The following NCOA3 variants were observed in gnomAD, a reference collection of about 807,000 sequenced individuals.
NCOA3 encodes the protein nuclear receptor coactivator 3.
A neutral mutation model predicts 158.8 loss-of-function variants in NCOA3; 51 were observed. That is an observed-to-expected ratio of 0.32 (90% CI 0.26 to 0.41). The LOEUF is 0.41. Ranked by LOEUF, NCOA3 falls within the 10% of genes least tolerant of loss-of-function variation. NCOA3 has a pLI of 1.00. For missense variants in NCOA3, 1,510 were observed against 1,746.6 expected, an observed-to-expected ratio of 0.86 and a Z score of 2.41; for synonymous variants, 537 against 592.4, an observed-to-expected ratio of 0.91 and a Z score of 1.36.
chr20:47,536,752 A>C (rs776735168), intron 1 of NCOA3, among the ~76,000 whole-genome samples: 1 of 151,456 alleles, frequency 6.6e-6, no homozygotes, highest in Non-Finnish European at 1.5e-5. Context: ...GGGCCTCCTA[A>C]AATGCTGGGA....
chr20:47,514,705 G>GT (rs1298785191), intron 1 of NCOA3, among the ~76,000 whole-genome samples: 1 of 115,306 alleles, frequency 8.7e-6, no homozygotes, highest in East Asian at 2.6e-4. Flanking sequence ...GTTTTGTTTT[G>GT]TTTTTTGCTT....
intron 2 of NCOA3, among the ~76,000 whole-genome samples, chr20:47,605,745 T>C (rs1241017852): frequency 2.0e-5 from 3 of 152,206 alleles, no homozygotes. Flanking sequence ...TCCACAAATA[T>C]ATTTGTCATG....
rs184656058 is a variant in NCOA3 at position 47,567,725 on chromosome 20, G to A, written c.-98-15458G>A. On this transcript the variant is annotated intron_variant, in intron 1 of 22. Transcript: ENST00000371998. ...GCTGGGATTACAGGTACATGCTACC[G>A]TGCCCGGCCAATATTTTGTATTTTT... Among the ~76,000 whole-genome samples the A allele has an allele frequency of 1.2e-3, 181 of 152,002 alleles. 1 individual carries two copies. Among genetic ancestry groups the A allele is most frequent in the Middle Eastern group, 3.4e-3 (1 of 294 alleles).
chr20:47,622,434 TG>T, intron 3 of NCOA3, 104 bp downstream of exon 3: 1 of 753,700 alleles, frequency 1.3e-6, no homozygotes, highest in South Asian at 2.3e-5. Context: ...GATTTTTTGG[TG>T]GTTTCACTTC....
At chr20:47,625,822 C>A (rs1266728288) in intron 5 of NCOA3, among the ~76,000 whole-genome samples, 1 of 151,954 alleles carries the variant, frequency 6.6e-6, no homozygotes, top group African/African-American at 2.4e-5. Flanking sequence ...GGGTTTTGCA[C>A]CACAGATTTG....
chr20:47,525,801 C>T (rs1602346277), intron 1 of NCOA3, among the ~76,000 whole-genome samples: 1 of 114,830 alleles, frequency 8.7e-6, no homozygotes. Context: ...GGCGGCTGGC[C>T]GGGCAGAGGG....
rs2083939294 is a variant in NCOA3, at chr20:47,501,979, T to C, written c.-139T>C. 1 of 399,502 alleles carries C rather than the reference T, an allele frequency of 2.5e-6. No homozygotes were observed. Among genetic ancestry groups the C allele is most frequent in the Non-Finnish European group, 4.4e-6 (1 of 226,774 alleles). 24.7% of individuals were successfully genotyped at this position (399,502 alleles called of 1,614,324 possible). The stretch of plus-strand genomic sequence containing the variant: ...GCGGCTGCGGGCTGAGCGGCGAGTT[T>C]CCGATTTAAAGCTGAGCTGCGAGGA... On this transcript the variant is annotated 5_prime_UTR_variant, in exon 1 of 23. Coordinates refer to ENST00000371998, the MANE Select transcript of NCOA3 (RefSeq NM_181659.3).
At chr20:47,590,712 G>T (rs1281537291) in intron 2 of NCOA3, among the ~76,000 whole-genome samples, 1 of 152,220 alleles carries the variant, frequency 6.6e-6, no homozygotes, top group Non-Finnish European at 1.5e-5. Flanking sequence ...TGGGGAGGCT[G>T]AGGTAGGAGG....
chr20:47,580,626 C>T (rs943218704), intron 1 of NCOA3, among the ~76,000 whole-genome samples: 2 of 151,946 alleles, frequency 1.3e-5, no homozygotes, highest in African/African-American at 4.8e-5. Flanking sequence ...CTAACCCCAC[C>T]CCATGACCCT....
At chr20:47,605,090 T>G (rs2085924379) in intron 2 of NCOA3, among the ~76,000 whole-genome samples, 1 of 152,180 alleles carries the variant, frequency 6.6e-6, no homozygotes, top group Non-Finnish European at 1.5e-5. Flanking sequence ...ATGGTCTCGA[T>G]CTCTTGACCT....
chr20:47,545,129 A>T (rs1055434949), intron 1 of NCOA3, among the ~76,000 whole-genome samples: 1 of 141,928 alleles, frequency 7.0e-6, no homozygotes, highest in Non-Finnish European at 1.5e-5. Context: ...TCTTTGAGCA[A>T]TGTAGCTTTT....
intron 1 of NCOA3, among the ~76,000 whole-genome samples, chr20:47,560,968 C>CTTTTT (rs11481985): frequency 1.8e-3 from 186 of 100,924 alleles, no homozygotes; most frequent in Non-Finnish European, 2.1e-3. Context: ...ATCCCTCATT[C>CTTTTT]TTTTTTTTTT....
At chr20:47,557,923 T>C (rs1484357098) in intron 1 of NCOA3, among the ~76,000 whole-genome samples, 1 of 152,212 alleles carries the variant, frequency 6.6e-6, no homozygotes, top group African/African-American at 2.4e-5. Flanking sequence ...CTTAGAGTTC[T>C]GGAGGCTAGC....
At chr20:47,599,717 T>C (rs2085826209) in intron 2 of NCOA3, among the ~76,000 whole-genome samples, 1 of 152,232 alleles carries the variant, frequency 6.6e-6, no homozygotes, top group Non-Finnish European at 1.5e-5. Context: ...TTGCACTCAC[T>C]TCAAATTTTA....
chr20:47,641,587 G>A (rs1372450239), intron 16 of NCOA3, among the ~76,000 whole-genome samples: 4 of 130,262 alleles, frequency 3.1e-5, no homozygotes, highest in Non-Finnish European at 4.7e-5. Flanking sequence ...TGCAAGCTCC[G>A]CCTCCTGGGT....
At chr20:47,575,745 CTG>C (rs1002153326) in intron 1 of NCOA3, among the ~76,000 whole-genome samples, 7 of 152,166 alleles carry the variant, frequency 4.6e-5, no homozygotes, top group African/African-American at 1.7e-4. Flanking sequence ...GTCAATGAGT[CTG>C]TTAAAATTCA....
chr20:47,511,070 TC>T (rs1364890340), intron 1 of NCOA3, among the ~76,000 whole-genome samples: 1 of 151,952 alleles, frequency 6.6e-6, no homozygotes, highest in African/African-American at 2.4e-5. Context: ...GTTTGTGACC[TC>T]CAAGTGTGCA....
chr20:47,625,340 T>G, intron 4 of NCOA3, 41 bp from the exon 5 acceptor site: 2 of 1,339,960 alleles, frequency 1.5e-6, no homozygotes, highest in Non-Finnish European at 2.1e-6. Flanking sequence ...AATCTATAAC[T>G]GATAGTGTGT....
intron 3 of NCOA3, 100 bp from the exon 4 acceptor site, chr20:47,623,811 A>G (rs2086279677): frequency 4.6e-6 from 5 of 1,097,218 alleles, no homozygotes; most frequent in African/African-American, 1.7e-5. Context: ...AAAAAAAGTA[A>G]TCATGTAATA....
Sources: gnomAD v4.1 joint callset for allele counts (sites outside exome capture counted in the v4.1 genomes callset) on GRCh38, gnomAD v4.1.1 for gene constraint, MANE v1.5 for transcripts, NCBI Gene and HGNC (gene_info 2026-07-23, HGNC 2026-07-21) for gene names.